Variants in ZSCAN5C observed in about 807,000 individuals in gnomAD.
ZSCAN5C encodes the protein zinc finger and SCAN domain containing 5C.
A neutral mutation model predicts 17.3 loss-of-function variants in ZSCAN5C; 11 were observed. The observed-to-expected ratio is 0.64, with a 90% CI of 0.40 to 1.06. ZSCAN5C has a LOEUF of 1.06. ZSCAN5C is among the 50% of genes least tolerant of loss of function. ZSCAN5C has a pLI of 0.00. For missense variants in ZSCAN5C, 698 were observed against 538.9 expected, an observed-to-expected ratio of 1.30 and a Z score of -2.92; for synonymous variants, 229 against 208.4, an observed-to-expected ratio of 1.10 and a Z score of -0.85.
exon 2 of ZSCAN5C, chr19:56,206,007 C>G (rs749286446): frequency 2.9e-5 from 46 of 1,609,024 alleles, no homozygotes; most frequent in Non-Finnish European, 3.8e-5. Context: ...CCCAGCAACT[C>G]AACTTGGAAA....
chr19:56,209,271 A>T, downstream of ZSCAN5C: 2 of 613,796 alleles, frequency 3.3e-6, no homozygotes, highest in East Asian at 2.7e-5. Context: ...TTGTCAGATG[A>T]CGTTTGACAG....
At chr19:56,208,900 A>T (rs1370060607) in exon 5 of ZSCAN5C, 12 of 1,604,536 alleles carry the variant, frequency 7.5e-6, no homozygotes, top group Non-Finnish European at 8.5e-6. Flanking sequence ...TGCAGCGCAT[A>T]GGCCTGCAAT....
chr19:56,208,499 G>A (rs566997263), exon 5 of ZSCAN5C: 329 of 1,546,596 alleles, frequency 2.1e-4, no homozygotes, highest in Non-Finnish European at 2.9e-4. Context: ...AAGAGCCTCT[G>A]TGGAAAATGT....
exon 5 of ZSCAN5C, chr19:56,208,594 A>C (rs768504160): frequency 8.1e-6 from 13 of 1,597,152 alleles, no homozygotes; most frequent in African/African-American, 6.7e-5. Context: ...TGAATCTGAG[A>C]GGTCTCAAAA....
At chr19:56,203,030 T>C (rs943102384) in intron 1 of ZSCAN5C, among the ~76,000 whole-genome samples, 1 of 152,018 alleles carries the variant, frequency 6.6e-6, no homozygotes, top group African/African-American at 2.4e-5. Context: ...TACCTGCCTT[T>C]ATTTTTTCCC....
At chr19:56,207,327 C>A (rs1256882834) in intron 3 of ZSCAN5C, 65 bp downstream of exon 3, 1 of 681,906 alleles carries the variant, frequency 1.5e-6, no homozygotes, top group South Asian at 1.6e-5. Context: ...AATCGTGTGG[C>A]CACTGGACTG....
intron 1 of ZSCAN5C, among the ~76,000 whole-genome samples, chr19:56,205,253 C>A (rs2032908660): frequency 6.6e-6 from 1 of 151,816 alleles, no homozygotes; most frequent in South Asian, 2.1e-4. Flanking sequence ...TGCATTTCAC[C>A]AAAATAACAA....
intron 1 of ZSCAN5C, among the ~76,000 whole-genome samples, chr19:56,203,988 C>T (rs1229067334): frequency 6.6e-6 from 1 of 151,828 alleles, no homozygotes; most frequent in Non-Finnish European, 1.5e-5. Flanking sequence ...ACATTACCTA[C>T]TTCTTTTATT....
At chr19:56,209,064 A>G (rs762622132) in exon 5 of ZSCAN5C, 30 of 1,604,848 alleles carry the variant, frequency 1.9e-5, no homozygotes, top group South Asian at 3.3e-5. Context: ...TTCACCTACA[A>G]GGCAAATCTG....
exon 5 of ZSCAN5C, chr19:56,208,787 G>A (rs1599948444): frequency 6.3e-7 from 1 of 1,586,496 alleles, no homozygotes; most frequent in African/African-American, 1.4e-5. Context: ...TGCATGTGAG[G>A]TGTGCGGCAA....
chr19:56,203,284 CAA>C (rs61271192), intron 1 of ZSCAN5C, among the ~76,000 whole-genome samples: 9 of 145,338 alleles, frequency 6.2e-5, no homozygotes, highest in Admixed American at 1.4e-4. Context: ...TATGCTTTTT[CAA>C]AAAAAAAAAT....
chr19:56,208,493 G>A (rs2146341389), exon 5 of ZSCAN5C: 1 of 1,526,176 alleles, frequency 6.6e-7, no homozygotes, highest in South Asian at 1.1e-5. Flanking sequence ...CCAAAAAAGA[G>A]CCTCTGTGGA....
At chr19:56,208,346 G>A in intron 4 of ZSCAN5C, 103 bp from the exon 5 acceptor site, 1 of 812,170 alleles carries the variant, frequency 1.2e-6, no homozygotes, top group South Asian at 1.7e-5. Context: ...TTAGGTTTAA[G>A]GTTGAGGGGA....
Position 56,207,991 on chromosome 19 carries a change from G to A in ZSCAN5C, c.589-43G>A, listed in dbSNP as rs116683809. The A allele has an allele frequency of 2.4e-3, 1,691 of 695,008 alleles. 65 individuals carry two copies. The African/African-American group carries it at 0.027, about 11-fold the overall frequency. The allele number at this position is 695,008 out of a possible 1,614,324, so 43.1% of individuals were successfully genotyped here. On this transcript the variant is annotated intron_variant, in intron 3 of 4. Transcript: ENST00000534327. ...GAAAAAGCAGACATGTCCTTCCACCGGTTTAGGCATGGCAGTCATTGCTGT... is the reference window on the plus strand; with the variant it reads ...GAAAAAGCAGACATGTCCTTCCACCAGTTTAGGCATGGCAGTCATTGCTGT...
Position 56,208,477 on chromosome 19 carries a change from G to T in ZSCAN5C, c.768G>T (p.Lys256Asn), listed in dbSNP as rs1196286835. ...GGGTGGTGGGAGCAAAGGAGGGGAA[G>T]GAACCCCAAAAAAGAGCCTCTGTGG... The change falls in exon 5 of 5, where the codon AAG becomes AAT. Residue 256 changes from lysine (K) to asparagine (N), a missense_variant. Transcript: ENST00000534327. The T allele has an allele frequency of 3.4e-6, 5 of 1,465,314 alleles. 1 individual carries two copies. Among genetic ancestry groups the T allele is most frequent in the Middle Eastern group, 3.5e-4 (2 of 5,758 alleles). The allele number at this position is 1,465,314 out of a possible 1,614,324, so 90.8% of individuals were successfully genotyped here.
At chr19:56,208,684 G>C in exon 5 of ZSCAN5C, 1 of 1,612,588 alleles carries the variant, frequency 6.2e-7, no homozygotes, top group Middle Eastern at 1.7e-4. Context: ...GAGAATCCCC[G>C]GGACAAGCTG....
At chr19:56,208,109 G>A (rs756085746) in exon 4 of ZSCAN5C, 3 of 776,624 alleles carry the variant, frequency 3.9e-6, no homozygotes, top group South Asian at 2.7e-5. Flanking sequence ...GCCGACCTTG[G>A]AGAAGGACCT....
intron 3 of ZSCAN5C, among the ~76,000 whole-genome samples, chr19:56,207,487 A>C (rs73065802): frequency 0.14 from 20,616 of 150,730 alleles, 1,966 homozygotes; most frequent in East Asian, 0.31. Flanking sequence ...GGTGGGGGGT[A>C]AGAAATGGTC....
rs28521934 is a variant in ZSCAN5C at position 56,207,353 on chromosome 19, A to T, written c.588+91A>T. 1.7e-4 allele frequency: 111 copies of T among 635,856 alleles called. No homozygotes were observed. The African/African-American group carries it at 1.8e-3, about 10-fold the overall frequency. 39.4% of individuals were successfully genotyped at this position (635,856 alleles called of 1,614,324 possible). A position where few individuals can be genotyped will look rare whatever the true frequency, so the allele number is the denominator to read the frequency against. On this transcript the variant is annotated intron_variant, in intron 3 of 4. Coordinates refer to ENST00000534327, the Ensembl canonical transcript of ZSCAN5C. ...CACTGGACTGATTGAGAGATTTGGC[A>T]CAGGACAAGATTACAGCCATTCCCC...
Sources: allele counts gnomAD v4.1 joint callset (sites outside exome capture counted in the v4.1 genomes callset), GRCh38; gene constraint gnomAD v4.1.1; transcripts MANE v1.5; gene names NCBI Gene and HGNC (gene_info 2026-07-23, HGNC 2026-07-21).